PTPRK: variants seen among roughly 807,000 people sequenced by gnomAD.
PTPRK encodes the protein receptor-type tyrosine-protein phosphatase kappa.
A neutral mutation model predicts 178.0 loss-of-function variants in PTPRK; 75 were observed. The ratio of observed to expected loss-of-function variants is 0.42; its 90% CI spans 0.35 to 0.51. The LOEUF (loss-of-function observed/expected upper bound fraction) is 0.51. Among genes scored for constraint, PTPRK ranks in the 20% least tolerant of loss-of-function variants. The pLI, the probability that PTPRK is intolerant of heterozygous loss-of-function variation, is 0.02. For synonymous variants in PTPRK, 637 were observed against 620.6 expected (o/e 1.03, Z -0.39); for missense variants, 1,441 against 1,797.8 (o/e 0.80, Z 3.59).
chr6:128,143,328 A>T (rs1796043606), intron 7 of PTPRK, among the ~76,000 whole-genome samples: 3 of 152,150 alleles, frequency 2.0e-5, no homozygotes, highest in African/African-American at 7.2e-5. Flanking sequence ...CTATACATTC[A>T]CTTAAGAAAA....
At chr6:128,442,594 C>T (rs938094759) in intron 1 of PTPRK, among the ~76,000 whole-genome samples, 3 of 152,194 alleles carry the variant, frequency 2.0e-5, no homozygotes, top group African/African-American at 7.2e-5. Context: ...GCCCTGTATA[C>T]TTGTACTCTA....
intron 13 of PTPRK, among the ~76,000 whole-genome samples, chr6:128,044,078 T>C (rs1174147444): frequency 2.0e-5 from 3 of 152,008 alleles, no homozygotes; most frequent in South Asian, 4.1e-4. Context: ...TTTTCTACTA[T>C]ATCAAATCCA....
In PTPRK at chr6:128,475,102, C is replaced by A. The variant is rs1584892415; in HGVS notation, c.100+45157G>T. On this transcript the variant is annotated intron_variant, in intron 1 of 29. Transcript: ENST00000368226. The stretch of plus-strand genomic sequence containing the variant: ...CATTGCATAGTGTTTACACACAGGG[C>A]ATCTATCATCAGACTGCTTGGGCCG... Among the ~76,000 whole-genome samples the A allele has an allele frequency of 2.0e-5, 3 of 152,210 alleles. No homozygotes were observed. In the South Asian group the frequency reaches 6.2e-4, roughly 32 times the overall value.
At chr6:128,084,948 T>C (rs1023755359) in intron 8 of PTPRK, 6 of 152,308 alleles carry the variant, frequency 3.9e-5, no homozygotes, top group African/African-American at 1.4e-4. Context: ...TTTCAAAGTA[T>C]ATAGCAATTT....
At chr6:128,409,658 C>G (rs2128378056) in intron 1 of PTPRK, among the ~76,000 whole-genome samples, 1 of 152,248 alleles carries the variant, frequency 6.6e-6, no homozygotes, top group East Asian at 1.9e-4. Flanking sequence ...GCTGTGTCCC[C>G]AACCAAATCT....
intron 3 of PTPRK, among the ~76,000 whole-genome samples, chr6:128,254,123 T>G (rs1816908636): frequency 6.6e-6 from 1 of 152,116 alleles, no homozygotes; most frequent in Non-Finnish European, 1.5e-5. Context: ...TTAGTTATGG[T>G]TGGAGGGGAG....
intron 1 of PTPRK, among the ~76,000 whole-genome samples, chr6:128,476,050 T>C (rs1421296164): frequency 3.9e-5 from 6 of 152,218 alleles, no homozygotes; most frequent in Middle Eastern, 3.4e-3. Context: ...AAGTTTTCCA[T>C]TACAGTTCAG....
chr6:128,124,611 C>T (rs982344495), intron 7 of PTPRK, among the ~76,000 whole-genome samples: 27 of 152,250 alleles, frequency 1.8e-4, no homozygotes, highest in African/African-American at 6.5e-4. Context: ...CCACAAACCT[C>T]AGGCAACCAC....
At chr6:128,422,047 C>T (rs1843543434) in intron 1 of PTPRK, among the ~76,000 whole-genome samples, 1 of 152,196 alleles carries the variant, frequency 6.6e-6, no homozygotes, top group Non-Finnish European at 1.5e-5. Flanking sequence ...TCAGGGAGAT[C>T]CCTCTGCCTA....
intron 1 of PTPRK, among the ~76,000 whole-genome samples, chr6:128,476,337 T>C (rs1221996510): frequency 6.6e-6 from 1 of 152,114 alleles, no homozygotes; most frequent in Non-Finnish European, 1.5e-5. Flanking sequence ...GACATGTATA[T>C]GTATATCAAA....
chr6:128,092,326 A>G (rs1787123754), intron 7 of PTPRK, among the ~76,000 whole-genome samples: 1 of 152,160 alleles, frequency 6.6e-6, no homozygotes, highest in Non-Finnish European at 1.5e-5. Context: ...TCACTTTAGG[A>G]TAGTACTCAG....
intron 21 of PTPRK, among the ~76,000 whole-genome samples, chr6:127,989,009 A>G (rs1212306817): frequency 6.6e-6 from 1 of 152,088 alleles, no homozygotes; most frequent in Non-Finnish European, 1.5e-5. Context: ...TTTTGAGGAA[A>G]TCATTCAAGG....
At chr6:128,321,972 T>C (rs1418445524) in intron 3 of PTPRK, 67 bp downstream of exon 3, 1 of 1,596,354 alleles carries the variant, frequency 6.3e-7, no homozygotes, top group Admixed American at 1.7e-5. Flanking sequence ...TATTTACATC[T>C]ATGTATTACA....
chr6:128,008,485 T>C (rs1778681547), intron 14 of PTPRK, among the ~76,000 whole-genome samples: 1 of 151,048 alleles, frequency 6.6e-6, no homozygotes, highest in Non-Finnish European at 1.5e-5. Context: ...ACTGTGTACT[T>C]TGAAATGCTT....
intron 2 of PTPRK, among the ~76,000 whole-genome samples, chr6:128,389,509 T>C (rs1839258995): frequency 6.6e-6 from 1 of 151,198 alleles, no homozygotes; most frequent in South Asian, 2.1e-4. Flanking sequence ...AGATAGTACC[T>C]ACCTATCTTG....
chr6:128,457,001 G>T (rs1848477789), intron 1 of PTPRK, among the ~76,000 whole-genome samples: 1 of 152,024 alleles, frequency 6.6e-6, no homozygotes, highest in African/African-American at 2.4e-5. Flanking sequence ...ATTTGGTCCT[G>T]CAGTGAAGTT....
At chr6:128,238,817 G>C (rs1224386752) in intron 5 of PTPRK, among the ~76,000 whole-genome samples, 1 of 151,846 alleles carries the variant, frequency 6.6e-6, no homozygotes, top group East Asian at 1.9e-4. Flanking sequence ...TTCATATTTG[G>C]ACACAAAATA....
intron 15 of PTPRK, chr6:128,000,288 G>C: frequency 7.7e-7 from 1 of 1,291,770 alleles, no homozygotes; most frequent in Non-Finnish European, 1.0e-6. Flanking sequence ...ATAGGATATA[G>C]CAAAAAATGA....
Position 127,982,849 on chromosome 6 carries a change from A to T in PTPRK, c.3519T>A (p.His1173Gln), listed in dbSNP as rs1775504249. The T allele has an allele frequency of 6.2e-7, 1 of 1,610,068 alleles. No individual in the cohort carries two copies. The highest frequency in any genetic ancestry group is 8.5e-7 in the Non-Finnish European group (1 of 1,178,054). The change falls in exon 24 of 30, where the codon CAT becomes CAA. Residue 1173 changes from histidine (H) to glutamine (Q), a missense_variant. By Grantham distance (24) the His-to-Gln change is conservative. Around this residue, in one of 4 missense-constraint regions of PTPRK, gnomAD observed 335 missense variants for 512.4 expected, o/e 0.65. Coordinates refer to ENST00000368226, the MANE Select transcript of PTPRK (RefSeq NM_002844.4). The part of the protein sequence containing the change: ...IRIDSQTNSS[H>Q]LKDEFQTLNS... ...TTAATACCTGAAATTCATCCTTGAGATGTGAAGAGTTAGTCTGGGAGTCTA... is the reference window on the plus strand; with the variant it reads ...TTAATACCTGAAATTCATCCTTGAGTTGTGAAGAGTTAGTCTGGGAGTCTA...
Sources: gnomAD v4.1 joint callset for allele counts (sites outside exome capture counted in the v4.1 genomes callset) on GRCh38, gnomAD v4.1.1 for gene constraint, gnomAD v4.1.1 regional missense constraint, MANE v1.5 for transcripts, NCBI Gene and HGNC (gene_info 2026-07-23, HGNC 2026-07-21) for gene names.